The following PDE4B variants were observed in gnomAD, a reference collection of about 807,000 sequenced individuals.
The protein encoded by PDE4B is 3',5'-cyclic-AMP phosphodiesterase 4B.
PDE4B carries 20 observed loss-of-function variants against 82.2 expected under a neutral mutation model. The ratio of observed to expected loss-of-function variants is 0.24; its 90% confidence interval spans 0.17 to 0.35. The LOEUF is 0.35. PDE4B is among the 10% of genes least tolerant of loss of function. The pLI, the probability that PDE4B is intolerant of heterozygous loss-of-function variation, is 1.00. For synonymous variants in PDE4B, 320 were observed against 318.9 expected, an observed-to-expected ratio of 1.00 and a Z score of -0.04; for missense variants, 655 against 907.2, an observed-to-expected ratio of 0.72 and a Z score of 3.57.
rs1018724219 is a variant in PDE4B, at chr1:66,347,799, A to C, written c.748-7728A>C. ...TAATCTCAAAAACAAGCTATGATAG[A>C]TTTTTGTAGCTGCAAAAAATATTAG... On this transcript the variant is annotated intron_variant, in intron 8 of 16. Transcript: ENST00000341517. Among the ~76,000 whole-genome samples the C allele has an allele frequency of 2.0e-5, 3 of 152,220 alleles. No individual in the cohort carries two copies. The South Asian group carries it at 6.2e-4, about 32-fold the overall frequency.
intron 3 of PDE4B, among the ~76,000 whole-genome samples, chr1:66,051,339 T>C (rs1655015761): frequency 6.6e-6 from 1 of 152,100 alleles, no homozygotes. Context: ...CACCTTAAAA[T>C]AGGGAAACTA....
At chr1:66,094,110 T>G (rs1388805189) in intron 3 of PDE4B, among the ~76,000 whole-genome samples, 1 of 151,976 alleles carries the variant, frequency 6.6e-6, no homozygotes. Context: ...CATTAAAAAG[T>G]GATCAAGTAA....
Position 66,088,456 on chromosome 1 carries a change from T to C in PDE4B, c.282-159004T>C, listed in dbSNP as rs114625016. Among the ~76,000 whole-genome samples, 714 of 152,168 alleles carry C rather than the reference T, an allele frequency of 4.7e-3. 6 individuals carry two copies. The highest frequency in any genetic ancestry group is 0.016 in the African/African-American group (673 of 41,538). On this transcript the variant is annotated intron_variant, in intron 3 of 16. Coordinates refer to ENST00000341517, the MANE Select transcript of PDE4B (RefSeq NM_002600.4). ...ACTAATTATTGGTCTGCCTGAATCA[T>C]GAATTCACAATGCTATTAATATAAC...
At chr1:66,309,505 C>T (rs183482164) in intron 7 of PDE4B, among the ~76,000 whole-genome samples, 117 of 152,264 alleles carry the variant, frequency 7.7e-4, no homozygotes, top group African/African-American at 1.3e-3. Context: ...TTCTTACTTG[C>T]GGTAAATCCT....
Position 65,913,289 on chromosome 1 carries a change from A to G in PDE4B, c.-26A>G, listed in dbSNP as rs754519036. The G allele has an allele frequency of 3.1e-6, 5 of 1,605,822 alleles. No homozygotes were observed. In the African/African-American group the frequency reaches 6.7e-5, roughly 21 times the overall value. On this transcript the variant is annotated 5_prime_UTR_variant, in exon 2 of 17. Coordinates refer to ENST00000341517, the MANE Select transcript of PDE4B (RefSeq NM_002600.4). ...AACTGCATTGAATAACAGACATCCTAAGAGGGGATATTTTCCACCTCTATA... is the reference window on the plus strand; with the variant it reads ...AACTGCATTGAATAACAGACATCCTGAGAGGGGATATTTTCCACCTCTATA...
intron 1 of PDE4B, among the ~76,000 whole-genome samples, chr1:65,895,712 G>A (rs1160896860): frequency 6.6e-6 from 1 of 151,414 alleles, no homozygotes; most frequent in African/African-American, 2.4e-5. Flanking sequence ...TGAATGTCTT[G>A]TAAAAATTAG....
intron 1 of PDE4B, among the ~76,000 whole-genome samples, chr1:65,877,449 A>G (rs1033194817): frequency 5.3e-5 from 8 of 151,996 alleles, no homozygotes. Flanking sequence ...CTCCATCTCT[A>G]CTAAAAATAC....
chr1:66,358,132 A>C (rs956820670), intron 9 of PDE4B, among the ~76,000 whole-genome samples: 3 of 152,172 alleles, frequency 2.0e-5, no homozygotes, highest in Admixed American at 6.5e-5. Flanking sequence ...ATAGGAGAGA[A>C]AACAGGGGAC....
At chr1:65,931,640 T>C (rs1647839590) in intron 3 of PDE4B, among the ~76,000 whole-genome samples, 2 of 152,090 alleles carry the variant, frequency 1.3e-5, no homozygotes, top group Non-Finnish European at 2.9e-5. Context: ...CAACAACAAC[T>C]CACAGACAAA....
At chr1:65,896,004 A>C (rs1365986030) in intron 1 of PDE4B, among the ~76,000 whole-genome samples, 1 of 150,776 alleles carries the variant, frequency 6.6e-6, no homozygotes, top group Non-Finnish European at 1.5e-5. Context: ...CTAAGAAGTG[A>C]ATAGGAAGAT....
At chr1:65,881,826 T>C (rs1264044831) in intron 1 of PDE4B, among the ~76,000 whole-genome samples, 2 of 152,216 alleles carry the variant, frequency 1.3e-5, no homozygotes, top group Non-Finnish European at 2.9e-5. Flanking sequence ...GCCTCCAGTA[T>C]TGTTAAAGTT....
At chr1:65,936,083 A>G (rs767823663) in intron 3 of PDE4B, among the ~76,000 whole-genome samples, 1 of 152,044 alleles carries the variant, frequency 6.6e-6, no homozygotes, top group African/African-American at 2.4e-5. Flanking sequence ...AAACGAAGAC[A>G]CAAGCACACA....
At chr1:66,133,340 G>T (rs1216667336) in intron 3 of PDE4B, among the ~76,000 whole-genome samples, 1 of 152,158 alleles carries the variant, frequency 6.6e-6, no homozygotes, top group Non-Finnish European at 1.5e-5. Context: ...AAATCTCAAT[G>T]AATGTTATTA....
chr1:65,976,902 A>T (rs1197568939), intron 3 of PDE4B, among the ~76,000 whole-genome samples: 2 of 152,182 alleles, frequency 1.3e-5, no homozygotes, highest in Non-Finnish European at 2.9e-5. Context: ...GTAGTTCTTT[A>T]TAGCAGTGTG....
At chr1:66,332,107 C>T (rs907260801) in intron 7 of PDE4B, 16 of 1,203,968 alleles carry the variant, frequency 1.3e-5, no homozygotes, top group Non-Finnish European at 1.6e-5. Flanking sequence ...TCAGAAATGA[C>T]ATCACATACC....
At chr1:65,880,175 A>G (rs1050513391) in intron 1 of PDE4B, among the ~76,000 whole-genome samples, 3 of 152,070 alleles carry the variant, frequency 2.0e-5, no homozygotes, top group African/African-American at 7.2e-5. Flanking sequence ...TCCCTTTAAT[A>G]CCTGGTCAAG....
intron 3 of PDE4B, among the ~76,000 whole-genome samples, chr1:66,196,883 G>A (rs1027072451): frequency 2.6e-5 from 4 of 151,564 alleles, no homozygotes; most frequent in Non-Finnish European, 4.4e-5. Flanking sequence ...TGGGGGTAGC[G>A]CACCAGCATG....
intron 3 of PDE4B, among the ~76,000 whole-genome samples, chr1:66,021,997 G>A (rs1282677677): frequency 2.6e-5 from 4 of 152,122 alleles, no homozygotes; most frequent in African/African-American, 9.7e-5. Flanking sequence ...TTGAGCAGTG[G>A]TTAGTAGTTC....
chr1:66,112,234 A>T (rs1018680662), intron 3 of PDE4B, among the ~76,000 whole-genome samples: 3 of 151,788 alleles, frequency 2.0e-5, no homozygotes, highest in African/African-American at 4.8e-5. Flanking sequence ...AAAAAGGTAA[A>T]TTTTTTTTCT....
Sources: allele counts gnomAD v4.1 joint callset (sites outside exome capture counted in the v4.1 genomes callset), GRCh38; gene constraint gnomAD v4.1.1; transcripts MANE v1.5; gene names NCBI Gene and HGNC (gene_info 2026-07-23, HGNC 2026-07-21).